HTR7: variants seen among roughly 807,000 people sequenced by gnomAD.
The protein encoded by HTR7 is 5-HT-7.
HTR7 carries 16 observed loss-of-function variants against 34.0 expected under a neutral mutation model. That is an observed-to-expected ratio of 0.47 (90% CI 0.32 to 0.71). The LOEUF (loss-of-function observed/expected upper bound fraction) is 0.71, where lower values mean the gene tolerates loss of function less well. Among genes scored for constraint, HTR7 ranks in the 30% least tolerant of loss-of-function variants. The pLI is 0.04. For missense variants in HTR7, 504 were observed against 625.5 expected (o/e 0.81, Z 2.07); for synonymous variants, 265 against 260.2 (o/e 1.02, Z -0.18).
intron 1 of HTR7, among the ~76,000 whole-genome samples, chr10:90,801,881 T>TG (rs1403631815): frequency 6.6e-6 from 1 of 152,216 alleles, no homozygotes; most frequent in African/African-American, 2.4e-5. Context: ...TGACTAGTCT[T>TG]GGGGTGTAGT....
intron 1 of HTR7, among the ~76,000 whole-genome samples, chr10:90,764,029 G>A (rs539609213): frequency 1.4e-3 from 210 of 152,258 alleles, no homozygotes; most frequent in African/African-American, 2.0e-3. Context: ...TTGAGGAATC[G>A]CCACACTGTC....
rs1423488157 is a variant in HTR7 at position 90,833,664 on chromosome 10, G to A, written c.539+23469C>T. On this transcript the variant is annotated intron_variant, in intron 1 of 3. Coordinates refer to ENST00000336152, the MANE Select transcript of HTR7 (RefSeq NM_019859.4). ...TCCTTTTCCTTCATTTTGTCTCTGG[G>A]GGCCTCCTTCACATGACTTCCTGGG... 5.3e-5 allele frequency among the ~76,000 whole-genome samples: 8 copies of A among 152,028 alleles called. No homozygotes were observed. The East Asian group carries it at 5.8e-4, about 11-fold the overall frequency.
intron 1 of HTR7, among the ~76,000 whole-genome samples, chr10:90,838,529 C>A (rs767643110): frequency 1.4e-4 from 21 of 152,200 alleles, no homozygotes; most frequent in Non-Finnish European, 2.8e-4. Flanking sequence ...CCACAATGAA[C>A]CATTAAAATT....
chr10:90,807,247 T>C (rs1051748621), intron 1 of HTR7, among the ~76,000 whole-genome samples: 1 of 152,070 alleles, frequency 6.6e-6, no homozygotes, highest in Non-Finnish European at 1.5e-5. Context: ...ATATAGAAGT[T>C]AGAAAGAAAT....
chr10:90,843,108 C>T (rs1361347268), intron 1 of HTR7, among the ~76,000 whole-genome samples: 1 of 151,980 alleles, frequency 6.6e-6, no homozygotes, highest in Non-Finnish European at 1.5e-5. Flanking sequence ...CTTTTTTCTT[C>T]CCTTTCTTCC....
At chr10:90,789,626 T>C (rs948730748) in intron 1 of HTR7, among the ~76,000 whole-genome samples, 2 of 152,054 alleles carry the variant, frequency 1.3e-5, no homozygotes, top group Non-Finnish European at 2.9e-5. Flanking sequence ...TCTATGAAAA[T>C]GATAAACAAA....
intron 1 of HTR7, among the ~76,000 whole-genome samples, chr10:90,829,756 A>T (rs1161513593): frequency 6.6e-6 from 1 of 152,246 alleles, no homozygotes; most frequent in Non-Finnish European, 1.5e-5. Context: ...AAACTATCTG[A>T]ACTGATAAAC....
At chr10:90,787,837 C>T (rs1443077694) in intron 1 of HTR7, among the ~76,000 whole-genome samples, 2 of 151,874 alleles carry the variant, frequency 1.3e-5, no homozygotes, top group African/African-American at 4.8e-5. Flanking sequence ...CTCCAGAATG[C>T]GCATGTTAAA....
At chr10:90,853,054 C>T (rs1290339651) in intron 1 of HTR7, among the ~76,000 whole-genome samples, 1 of 151,900 alleles carries the variant, frequency 6.6e-6, no homozygotes, top group Non-Finnish European at 1.5e-5. Context: ...AAGTCTATAT[C>T]CACCACCGAG....
At chr10:90,846,646 G>C (rs1846417197) in intron 1 of HTR7, among the ~76,000 whole-genome samples, 1 of 152,188 alleles carries the variant, frequency 6.6e-6, no homozygotes, top group Non-Finnish European at 1.5e-5. Context: ...ACAGAAAAGA[G>C]GAAGACGGCA....
At chr10:90,853,258 T>C (rs1846526054) in intron 1 of HTR7, among the ~76,000 whole-genome samples, 1 of 150,840 alleles carries the variant, frequency 6.6e-6, no homozygotes, top group Non-Finnish European at 1.5e-5. Context: ...AAACTATGCA[T>C]AAAAAGTAAT....
At chr10:90,769,357 T>C (rs1845072068) in intron 1 of HTR7, among the ~76,000 whole-genome samples, 2 of 152,220 alleles carry the variant, frequency 1.3e-5, no homozygotes, top group South Asian at 4.1e-4. Flanking sequence ...CTCTTTCCTA[T>C]TCATTACTTT....
At chr10:90,850,278 T>C (rs1846478428) in intron 1 of HTR7, among the ~76,000 whole-genome samples, 1 of 152,198 alleles carries the variant, frequency 6.6e-6, no homozygotes, top group Admixed American at 6.5e-5. Flanking sequence ...GGGGTGGAAG[T>C]CATTGGGCTA....
chr10:90,841,802 C>T (rs902252879), intron 1 of HTR7, among the ~76,000 whole-genome samples: 1 of 152,098 alleles, frequency 6.6e-6, no homozygotes, highest in Non-Finnish European at 1.5e-5. Context: ...GAGCTCAAGA[C>T]CAGCCTGGCC....
chr10:90,765,986 A>G (rs1845016058), intron 1 of HTR7, among the ~76,000 whole-genome samples: 1 of 152,324 alleles, frequency 6.6e-6, no homozygotes, highest in Non-Finnish European at 1.5e-5. Context: ...AGAAGAATGT[A>G]TATTCTGCTG....
chr10:90,785,547 A>G (rs1299056895), intron 1 of HTR7, among the ~76,000 whole-genome samples: 1 of 150,862 alleles, frequency 6.6e-6, no homozygotes, highest in Non-Finnish European at 1.5e-5. Context: ...TTCTCCATAT[A>G]ACACATGACT....
rs1165218329 is a variant in HTR7, at chr10:90,742,486, T to A, written c.1436A>T (p.Asp479Val). ...TTVEKKVMIH[D>V] ...TTCATCTCCATTGTTCTGCTTTCAATCATGAATCATGACCTTTTTTTCTAC... is the reference window on the plus strand; with the variant it reads ...TTCATCTCCATTGTTCTGCTTTCAAACATGAATCATGACCTTTTTTTCTAC... The change falls in exon 4 of 4, where the codon GAT becomes GTT. Residue 479 changes from aspartate to valine, a missense_variant. By Grantham distance (152) the Asp-to-Val change is radical. Around this residue, in one of 4 missense-constraint regions of HTR7, gnomAD observed 154 missense variants for 212.1 expected, o/e 0.73. Transcript: ENST00000336152. The A allele has an allele frequency of 6.2e-7, 1 of 1,601,078 alleles. No individual in the cohort carries two copies. The highest frequency in any genetic ancestry group is 8.5e-7 in the Non-Finnish European group (1 of 1,174,480).
chr10:90,834,708 G>A lies in HTR7; in HGVS notation c.539+22425C>T, dbSNP rs547331247. Among the ~76,000 whole-genome samples, 5 of 152,268 alleles carry A rather than the reference G, an allele frequency of 3.3e-5. No homozygotes were observed. The East Asian group carries it at 9.6e-4, about 29-fold the overall frequency. ...CCAATGAGGGCTTCTTCACATGGTA[G>A]CTAGCAGTCACAGGGTCCCCAAAAG... On this transcript the variant is annotated intron_variant, in intron 1 of 3. Coordinates refer to ENST00000336152, the MANE Select transcript of HTR7 (RefSeq NM_019859.4).
intron 1 of HTR7, among the ~76,000 whole-genome samples, chr10:90,762,288 C>A (rs577914617): frequency 6.6e-6 from 1 of 152,298 alleles, no homozygotes; most frequent in East Asian, 1.9e-4. Context: ...AGCATCCTCA[C>A]GAACACTCGT....
Sources: gnomAD v4.1 joint callset for allele counts (sites outside exome capture counted in the v4.1 genomes callset) on GRCh38, gnomAD v4.1.1 for gene constraint, gnomAD v4.1.1 regional missense constraint, MANE v1.5 for transcripts, NCBI Gene and HGNC (gene_info 2026-07-23, HGNC 2026-07-21) for gene names.